SIK3: variants seen among roughly 807,000 people sequenced by gnomAD.
The protein encoded by SIK3 is serine/threonine-protein kinase SIK3.
A neutral mutation model predicts 144.2 loss-of-function variants in SIK3; 28 were observed. The ratio of observed to expected loss-of-function variants is 0.19; its 90% CI spans 0.14 to 0.27. The LOEUF is 0.27. Among genes scored for constraint, SIK3 ranks in the 10% least tolerant of loss-of-function variants. The pLI is 1.00. For missense variants in SIK3, 1,319 were observed against 1,776.0 expected (o/e 0.74, Z 4.62); for synonymous variants, 686 against 676.3 (o/e 1.01, Z -0.22).
At chr11:116,917,294 G>A (rs916631493) in intron 4 of SIK3, among the ~76,000 whole-genome samples, 1 of 152,080 alleles carries the variant, frequency 6.6e-6, no homozygotes, top group Non-Finnish European at 1.5e-5. Context: ...GTTCCTATAA[G>A]AACTGTAAGT....
intron 4 of SIK3, among the ~76,000 whole-genome samples, chr11:116,924,631 G>A (rs567410873): frequency 9.8e-5 from 15 of 152,294 alleles, no homozygotes; most frequent in East Asian, 1.9e-4. Flanking sequence ...CAGCACAGTG[G>A]TGCACCATGG....
chr11:116,925,551 C>T (rs1414136793), intron 4 of SIK3, among the ~76,000 whole-genome samples: 1 of 152,204 alleles, frequency 6.6e-6, no homozygotes, highest in Non-Finnish European at 1.5e-5. Flanking sequence ...GGACTTCTGA[C>T]CTCCAGAACT....
Position 116,858,746 on chromosome 11 carries a change from G to T in SIK3, c.2766-47C>A. 2 of 1,514,334 alleles carry T rather than the reference G, an allele frequency of 1.3e-6. No individual in the cohort carries two copies. Among genetic ancestry groups the T allele is most frequent in the South Asian group, 2.7e-5 (2 of 74,864 alleles). 93.8% of individuals were successfully genotyped at this position (1,514,334 alleles called of 1,614,324 possible). A position where few individuals can be genotyped will look rare whatever the true frequency, so the allele number is the denominator to read the frequency against. On this transcript the variant is annotated intron_variant, in intron 20 of 24. Coordinates refer to ENST00000445177, the MANE Select transcript of SIK3 (RefSeq NM_001366686.3). The surrounding 1 kb of genome is among the most constrained non-coding windows in gnomAD (Gnocchi z 5.4). ...CCAGACATCCATGTAACAAGTACTA[G>T]ACTTCCTGGGAACAGCTCCTCCTCC...
Position 116,947,854 on chromosome 11 carries a change from G to A in SIK3, c.454+6190C>T, listed in dbSNP as rs11602854. Among the ~76,000 whole-genome samples the A allele has an allele frequency of 7.8e-4, 117 of 150,198 alleles. 1 individual carries two copies. The highest frequency in any genetic ancestry group is 2.4e-3 in the African/African-American group (99 of 40,872). Reference sequence around the variant, plus strand: ...GCTGGGATTACAGGCATGAGCCACCGTGCCTGGCCTCTATTTCTTCTTAAG... The same window carrying A: ...GCTGGGATTACAGGCATGAGCCACCATGCCTGGCCTCTATTTCTTCTTAAG... On this transcript the variant is annotated intron_variant, in intron 3 of 24. Transcript: ENST00000445177.
At chr11:117,077,123 A>C (rs1383456652) in intron 1 of SIK3, among the ~76,000 whole-genome samples, 1 of 152,150 alleles carries the variant, frequency 6.6e-6, no homozygotes, top group African/African-American at 2.4e-5. Flanking sequence ...ACCACACTGC[A>C]CTCTGGCCTG....
At chr11:116,947,550 TG>T (rs1948723397) in intron 3 of SIK3, among the ~76,000 whole-genome samples, 1 of 69,398 alleles carries the variant, frequency 1.4e-5, no homozygotes, top group Non-Finnish European at 4.4e-5. Context: ...TATGTATGTA[TG>T]TATGTATGTA....
At chr11:116,911,426 G>C (rs1946337470) in intron 4 of SIK3, among the ~76,000 whole-genome samples, 1 of 152,058 alleles carries the variant, frequency 6.6e-6, no homozygotes, top group Non-Finnish European at 1.5e-5. Flanking sequence ...AGAACTGCTT[G>C]AACCCGGGAG....
intron 6 of SIK3, among the ~76,000 whole-genome samples, chr11:116,884,935 G>C (rs1766761294): frequency 6.6e-6 from 1 of 152,196 alleles, no homozygotes; most frequent in Non-Finnish European, 1.5e-5. Context: ...AAACTGTCAT[G>C]TTTTGAAACA....
chr11:116,860,257 A>C (rs1378362796), intron 19 of SIK3, among the ~76,000 whole-genome samples: 2 of 152,058 alleles, frequency 1.3e-5, no homozygotes, highest in African/African-American at 2.4e-5. Context: ...AAAAAAAAAA[A>C]CAGACTCTAA....
chr11:117,065,567 C>G lies in SIK3; in HGVS notation c.273+32576G>C, dbSNP rs561623057. On this transcript the variant is annotated intron_variant, in intron 1 of 24. Coordinates refer to ENST00000445177, the MANE Select transcript of SIK3 (RefSeq NM_001366686.3). ...AAATATTCTATACAGCGGAGTTGAT[C>G]AAAATAAATGCTTTTTAAACACAAA... is the stretch of plus-strand genomic sequence containing the variant. Among the ~76,000 whole-genome samples the G allele has an allele frequency of 6.0e-5, 9 of 150,592 alleles. No individual in the cohort carries two copies. The East Asian group carries it at 1.5e-3, about 26-fold the overall frequency.
intron 1 of SIK3, among the ~76,000 whole-genome samples, chr11:117,054,732 C>T (rs1468586177): frequency 6.6e-6 from 1 of 152,052 alleles, no homozygotes; most frequent in Non-Finnish European, 1.5e-5. Context: ...AATTCAAGAC[C>T]AGCTTAGACA....
intron 1 of SIK3, among the ~76,000 whole-genome samples, chr11:117,034,508 C>T (rs1952406385): frequency 6.6e-6 from 1 of 152,086 alleles, no homozygotes; most frequent in African/African-American, 2.4e-5. Context: ...TTTTAGCATG[C>T]CCTCAAGTAA....
chr11:116,897,235 G>C lies in SIK3; in HGVS notation c.699C>G (p.Leu233=). The change falls in exon 5 of 25, where the codon CTC becomes CTG. Residue 233 remains leucine, a synonymous_variant. Transcript: ENST00000445177. ...CGSPPYAAPE[L]FEGKEYDGPK... ...GCCCATCATATTCTTTTCCTTCAAAGAGTTCAGGTGCAGCATAGGGAGGGC... is the reference window on the plus strand; with the variant it reads ...GCCCATCATATTCTTTTCCTTCAAACAGTTCAGGTGCAGCATAGGGAGGGC... 4 of 1,614,068 alleles carry C rather than the reference G, an allele frequency of 2.5e-6. No homozygotes were observed. Among genetic ancestry groups the C allele is most frequent in the Non-Finnish European group, 3.4e-6 (4 of 1,179,982 alleles).
chr11:116,855,894 G>A (rs1162948560), intron 21 of SIK3, among the ~76,000 whole-genome samples: 1 of 152,206 alleles, frequency 6.6e-6, no homozygotes, highest in Admixed American at 6.5e-5. Flanking sequence ...AACAGCATTT[G>A]GTGCCTGGCA....
chr11:116,929,595 T>G (rs1299295529), intron 3 of SIK3, among the ~76,000 whole-genome samples: 1 of 152,226 alleles, frequency 6.6e-6, no homozygotes, highest in East Asian at 1.9e-4. Context: ...CTGTTTTATC[T>G]CTACAGTGAC....
Position 116,954,084 on chromosome 11 carries a change from A to T in SIK3, c.414T>A (p.Ile138=). The part of the protein sequence containing the change: ...LYQVMETERM[I]YLVTEYASGG... Reference sequence around the variant, plus strand: ...CACTAGCATATTCTGTCACCAGATAAATCATCCGTTCTGTCTCCATAACCT... The same window carrying T: ...CACTAGCATATTCTGTCACCAGATATATCATCCGTTCTGTCTCCATAACCT... The change falls in exon 3 of 25, where the codon ATT becomes ATA. Residue 138 remains isoleucine, a synonymous_variant. Coordinates refer to ENST00000445177, the MANE Select transcript of SIK3 (RefSeq NM_001366686.3). 6.2e-7 allele frequency: 1 copy of T among 1,614,072 alleles called. No homozygotes were observed. Among genetic ancestry groups the T allele is most frequent in the Non-Finnish European group, 8.5e-7 (1 of 1,179,954 alleles).
At chr11:116,959,051 T>A (rs552440617) in intron 1 of SIK3, among the ~76,000 whole-genome samples, 1 of 152,172 alleles carries the variant, frequency 6.6e-6, no homozygotes, top group Non-Finnish European at 1.5e-5. Flanking sequence ...TATATCCCCA[T>A]AGCAGAGCTG....
chr11:117,019,027 T>A (rs1951656079), intron 1 of SIK3, among the ~76,000 whole-genome samples: 1 of 151,118 alleles, frequency 6.6e-6, no homozygotes, highest in Non-Finnish European at 1.5e-5. Flanking sequence ...GTAACTTTTT[T>A]TTTTCCCTTA....
chr11:116,967,509 A>G (rs1044860050), intron 1 of SIK3, among the ~76,000 whole-genome samples: 1 of 152,252 alleles, frequency 6.6e-6, no homozygotes, highest in African/African-American at 2.4e-5. Context: ...CTAATAACAC[A>G]GTCTGCGTGA....
Sources: gnomAD v4.1 joint callset for allele counts (sites outside exome capture counted in the v4.1 genomes callset) on GRCh38, gnomAD v4.1.1 for gene constraint, Gnocchi (gnomAD v3.1) non-coding constraint, MANE v1.5 for transcripts, NCBI Gene and HGNC (gene_info 2026-07-23, HGNC 2026-07-21) for gene names.